The following XKR6 variants were observed in gnomAD, a reference collection of about 807,000 sequenced individuals.
XKR6 encodes XK related 6.
Under a neutral mutation model 56.7 loss-of-function variants are expected in XKR6, and 22 were observed. The ratio of observed to expected loss-of-function variants is 0.39; its 90% CI spans 0.28 to 0.55. The LOEUF (loss-of-function observed/expected upper bound fraction) is 0.55, where lower values mean the gene tolerates loss of function less well. XKR6 is among the 20% of genes least tolerant of loss of function. XKR6 has a pLI of 0.66. For synonymous variants in XKR6, 524 were observed against 387.8 expected (o/e 1.35, Z -4.13); for missense variants, 852 against 889.0 (o/e 0.96, Z 0.53).
intron 1 of XKR6, among the ~76,000 whole-genome samples, chr8:10,957,399 C>G (rs112902238): frequency 5.3e-5 from 8 of 152,334 alleles, no homozygotes; most frequent in African/African-American, 1.4e-4. Context: ...ACCCCATTCC[C>G]TTCCTTCAGG....
At chr8:11,074,775 C>A (rs1451356201) in intron 1 of XKR6, among the ~76,000 whole-genome samples, 1 of 152,172 alleles carries the variant, frequency 6.6e-6, no homozygotes. Context: ...AGGCTGCACA[C>A]CAGACCTCTG....
chr8:10,980,926 A>G (rs1283813579), intron 1 of XKR6, among the ~76,000 whole-genome samples: 1 of 152,050 alleles, frequency 6.6e-6, no homozygotes, highest in East Asian at 1.9e-4. Flanking sequence ...GGCTGGAGGG[A>G]TTAGAGACAG....
In XKR6 at chr8:11,165,320, G is replaced by T. The variant is rs576196800; in HGVS notation, c.764+35256C>A. On this transcript the variant is annotated intron_variant, in intron 1 of 2. Transcript: ENST00000416569. ...TCACCATGTTGGCCAGGCTGGTCTT[G>T]AACTCCTGACCTCATGATCTGCCCA... Among the ~76,000 whole-genome samples, 162 of 152,044 alleles carry T rather than the reference G, an allele frequency of 1.1e-3. 1 individual carries two copies. The highest frequency in any genetic ancestry group is 3.9e-3 in the African/African-American group (160 of 41,468).
At chr8:10,929,801 C>G (rs115507371) in intron 1 of XKR6, among the ~76,000 whole-genome samples, 3,314 of 152,284 alleles carry the variant, frequency 0.022, 126 homozygotes, top group African/African-American at 0.076. Flanking sequence ...AGTCACCATG[C>G]AGATGGCAGC....
chr8:11,114,490 T>C (rs1293008916), intron 1 of XKR6, among the ~76,000 whole-genome samples: 2 of 152,126 alleles, frequency 1.3e-5, no homozygotes, highest in Non-Finnish European at 2.9e-5. Flanking sequence ...GCCTCCCAAG[T>C]AGCTGAGATT....
chr8:11,010,703 A>T (rs1798480260), intron 1 of XKR6, among the ~76,000 whole-genome samples: 1 of 152,204 alleles, frequency 6.6e-6, no homozygotes, highest in South Asian at 2.1e-4. Context: ...CCCCAGTTCC[A>T]AGATTCGTGC....
At chr8:11,166,448 T>C (rs1433625752) in intron 1 of XKR6, among the ~76,000 whole-genome samples, 4 of 152,204 alleles carry the variant, frequency 2.6e-5, no homozygotes, top group African/African-American at 7.2e-5. Flanking sequence ...CCGTTGCTTA[T>C]AGACAACCTA....
intron 1 of XKR6, among the ~76,000 whole-genome samples, chr8:11,007,541 C>A (rs949666117): frequency 1.3e-5 from 2 of 152,182 alleles, no homozygotes; most frequent in African/African-American, 4.8e-5. Flanking sequence ...CTCTCCTCAT[C>A]ATCGCCATCA....
chr8:10,977,580 C>T (rs1408575469), intron 1 of XKR6, among the ~76,000 whole-genome samples: 3 of 150,138 alleles, frequency 2.0e-5, no homozygotes. Context: ...CTTCAACAGC[C>T]AGGACAGCTG....
intron 1 of XKR6, among the ~76,000 whole-genome samples, chr8:11,147,648 C>A (rs1801054333): frequency 7.9e-6 from 1 of 126,534 alleles, no homozygotes; most frequent in Non-Finnish European, 1.7e-5. Context: ...GAGCGAGACT[C>A]TGTCTCAAAA....
intron 1 of XKR6, among the ~76,000 whole-genome samples, chr8:11,088,233 T>A (rs1375036941): frequency 2.7e-5 from 4 of 146,264 alleles, no homozygotes. Context: ...AGAGATATTG[T>A]TAAATATCTA....
At chr8:11,114,077 T>G in intron 1 of XKR6, 1 of 445,296 alleles carries the variant, frequency 2.2e-6, no homozygotes, top group South Asian at 1.6e-5. Flanking sequence ...TGAGGCCTCA[T>G]GTCTTTCGCT....
At chr8:10,924,898 A>T in intron 1 of XKR6, 68 bp from the exon 2 acceptor site, 1 of 1,508,220 alleles carries the variant, frequency 6.6e-7, no homozygotes. Flanking sequence ...GACCCTTGCC[A>T]TCCCCCTAAA....
chr8:11,034,287 C>T lies in XKR6; in HGVS notation c.765-109457G>A, dbSNP rs1799083227. Among the ~76,000 whole-genome samples, 5 of 152,142 alleles carry T rather than the reference C, an allele frequency of 3.3e-5. No individual in the cohort carries two copies. The South Asian group carries it at 8.3e-4, about 25-fold the overall frequency. Reference sequence around the variant, plus strand: ...ATCCAGGAAGACGGCATGGAGGAGCCAGCACTTCAGCTGCAGCTTTGAAAG... The same window carrying T: ...ATCCAGGAAGACGGCATGGAGGAGCTAGCACTTCAGCTGCAGCTTTGAAAG... On this transcript the variant is annotated intron_variant, in intron 1 of 2. Transcript: ENST00000416569.
At chr8:11,010,589 G>T (rs1798477775) in intron 1 of XKR6, among the ~76,000 whole-genome samples, 2 of 152,114 alleles carry the variant, frequency 1.3e-5, no homozygotes, top group Admixed American at 1.3e-4. Flanking sequence ...TCCCAACCAA[G>T]AAATCTATCT....
chr8:11,139,728 C>G (rs1363905702), intron 1 of XKR6, among the ~76,000 whole-genome samples: 1 of 152,096 alleles, frequency 6.6e-6, no homozygotes, highest in Non-Finnish European at 1.5e-5. Flanking sequence ...AAGCCACAGC[C>G]GAAGGGGCTG....
chr8:11,043,080 C>G (rs1053530398), intron 1 of XKR6, among the ~76,000 whole-genome samples: 1 of 152,156 alleles, frequency 6.6e-6, no homozygotes, highest in Admixed American at 6.5e-5. Context: ...GAGACCTCCA[C>G]AGAGTACTCA....
chr8:10,993,005 T>G (rs1025231590), intron 1 of XKR6, among the ~76,000 whole-genome samples: 4 of 152,242 alleles, frequency 2.6e-5, no homozygotes, highest in African/African-American at 9.6e-5. Context: ...GTGTCTGGTC[T>G]GTAGCAAACA....
At chr8:11,119,004 T>A (rs926694405) in intron 1 of XKR6, among the ~76,000 whole-genome samples, 1 of 152,210 alleles carries the variant, frequency 6.6e-6, no homozygotes, top group Non-Finnish European at 1.5e-5. Context: ...TTCTGGTATG[T>A]TGTGTCTTTG....
Sources: allele counts gnomAD v4.1 joint callset (sites outside exome capture counted in the v4.1 genomes callset), GRCh38; gene constraint gnomAD v4.1.1; transcripts MANE v1.5; gene names NCBI Gene and HGNC (gene_info 2026-07-23, HGNC 2026-07-21).